MCU: variants seen among roughly 807,000 people sequenced by gnomAD.
MCU encodes the protein mitochondrial calcium uniporter.
A neutral mutation model predicts 45.2 loss-of-function variants in MCU; 12 were observed. The observed-to-expected ratio is 0.27, with a 90% CI of 0.17 to 0.43. The LOEUF (loss-of-function observed/expected upper bound fraction) is 0.43, where lower values mean the gene tolerates loss of function less well. Ranked by LOEUF, MCU falls within the 20% of genes least tolerant of loss-of-function variation. MCU has a pLI of 1.00. For missense variants in MCU, 324 were observed against 436.7 expected (o/e 0.74, Z 2.30); for synonymous variants, 160 against 165.1 (o/e 0.97, Z 0.24).
chr10:72,736,163 G>T (rs971908271), intron 1 of MCU, among the ~76,000 whole-genome samples: 1 of 152,144 alleles, frequency 6.6e-6, no homozygotes, highest in African/African-American at 2.4e-5. Flanking sequence ...ACAGATTTGT[G>T]TATTCATGGA....
chr10:72,737,448 A>AG (rs1843265962), intron 1 of MCU, among the ~76,000 whole-genome samples: 1 of 151,816 alleles, frequency 6.6e-6, no homozygotes, highest in African/African-American at 2.4e-5. Context: ...ATGTAAAGAG[A>AG]GGGGGTAAGG....
At chr10:72,766,772 A>G (rs1278001631) in intron 1 of MCU, 1 of 152,178 alleles carries the variant, frequency 6.6e-6, no homozygotes, top group Non-Finnish European at 1.5e-5. Flanking sequence ...ACGCTCTGTC[A>G]GTCTTCAAAT....
chr10:72,830,284 A>G (rs775930120), intron 1 of MCU, among the ~76,000 whole-genome samples: 5 of 152,230 alleles, frequency 3.3e-5, no homozygotes, highest in Admixed American at 6.5e-5. Context: ...TATATCATCT[A>G]ACAAATATTA....
chr10:72,772,470 G>A (rs987420009), intron 1 of MCU, among the ~76,000 whole-genome samples: 4 of 152,246 alleles, frequency 2.6e-5, no homozygotes, highest in Admixed American at 6.5e-5. Context: ...GTCAAGGTGG[G>A]CAGATTGCTT....
chr10:72,862,788 G>A (rs1845398655), intron 4 of MCU, among the ~76,000 whole-genome samples: 1 of 151,992 alleles, frequency 6.6e-6, no homozygotes, highest in Non-Finnish European at 1.5e-5. Context: ...GCCTGGTAAG[G>A]TGGCTCACAC....
At chr10:72,704,055 A>G (rs1296180458) in intron 1 of MCU, among the ~76,000 whole-genome samples, 1 of 152,240 alleles carries the variant, frequency 6.6e-6, no homozygotes, top group African/African-American at 2.4e-5. Flanking sequence ...TTGAAAAAAT[A>G]CTGCTTGTCT....
At chr10:72,742,973 G>T (rs1843356538) in intron 1 of MCU, among the ~76,000 whole-genome samples, 1 of 152,046 alleles carries the variant, frequency 6.6e-6, no homozygotes, top group Non-Finnish European at 1.5e-5. Flanking sequence ...GAATGGACAT[G>T]TGAGAACATG....
At chr10:72,874,849 G>C (rs1378043622) in intron 6 of MCU, among the ~76,000 whole-genome samples, 5 of 152,138 alleles carry the variant, frequency 3.3e-5, no homozygotes, top group Non-Finnish European at 5.9e-5. Context: ...ACAAAATAGT[G>C]GTATTTCCTT....
intron 1 of MCU, among the ~76,000 whole-genome samples, chr10:72,808,990 T>C (rs1240459540): frequency 6.6e-6 from 1 of 152,220 alleles, no homozygotes. Flanking sequence ...TTGGAAATTA[T>C]AAGATGTTTT....
intron 1 of MCU, among the ~76,000 whole-genome samples, chr10:72,745,020 C>A (rs1042049635): frequency 2.0e-4 from 30 of 151,762 alleles, no homozygotes; most frequent in African/African-American, 6.8e-4. Flanking sequence ...ATAATAAGGC[C>A]CACAGATAAG....
chr10:72,744,602 C>T (rs138234074), intron 1 of MCU, among the ~76,000 whole-genome samples: 34 of 152,294 alleles, frequency 2.2e-4, no homozygotes, highest in Admixed American at 7.8e-4. Flanking sequence ...TGCACTCCAG[C>T]CTGGGTGACA....
At chr10:72,754,923 G>A (rs1024283319) in intron 1 of MCU, among the ~76,000 whole-genome samples, 1 of 152,182 alleles carries the variant, frequency 6.6e-6, no homozygotes, top group African/African-American at 2.4e-5. Context: ...AGATTTCTTA[G>A]CACTTCTACA....
At chr10:72,777,162 A>C (rs1843907862) in intron 1 of MCU, among the ~76,000 whole-genome samples, 1 of 152,224 alleles carries the variant, frequency 6.6e-6, no homozygotes. Context: ...AATCCCTATC[A>C]AAATACCAAT....
At chr10:72,791,042 A>G (rs751098905) in intron 1 of MCU, among the ~76,000 whole-genome samples, 7 of 152,198 alleles carry the variant, frequency 4.6e-5, no homozygotes, top group Non-Finnish European at 2.9e-5. Flanking sequence ...TTCATATTCT[A>G]TATTCTTGAT....
At chr10:72,832,670 T>G (rs919971046) in intron 1 of MCU, among the ~76,000 whole-genome samples, 4 of 152,202 alleles carry the variant, frequency 2.6e-5, no homozygotes, top group Non-Finnish European at 5.9e-5. Context: ...ATAGCTAATA[T>G]TTATTGAGAA....
At chr10:72,836,979 A>C (rs1303320143) in intron 2 of MCU, among the ~76,000 whole-genome samples, 1 of 152,000 alleles carries the variant, frequency 6.6e-6, no homozygotes, top group African/African-American at 2.4e-5. Flanking sequence ...TGAGGGCTTG[A>C]CCCTCAGTTT....
intron 4 of MCU, among the ~76,000 whole-genome samples, chr10:72,863,424 A>G (rs1196657469): frequency 2.0e-5 from 3 of 152,232 alleles, no homozygotes; most frequent in African/African-American, 7.2e-5. Flanking sequence ...GCTAAATGAG[A>G]GGGAGCTAGC....
intron 1 of MCU, among the ~76,000 whole-genome samples, chr10:72,710,762 G>A (rs10762519): frequency 1.6e-4 from 24 of 151,876 alleles, no homozygotes; most frequent in African/African-American, 5.8e-4. Context: ...CCATTCCTTA[G>A]ACCTCTCTCC....
chr10:72,874,125 T>A (rs541406557), intron 6 of MCU, among the ~76,000 whole-genome samples: 90 of 152,332 alleles, frequency 5.9e-4, no homozygotes, highest in Non-Finnish European at 9.6e-4. Context: ...TTTTTTCCTA[T>A]TTCTGTGAAG....
Sources: allele counts gnomAD v4.1 joint callset (sites outside exome capture counted in the v4.1 genomes callset), GRCh38; gene constraint gnomAD v4.1.1; transcripts MANE v1.5; gene names NCBI Gene and HGNC (gene_info 2026-07-23, HGNC 2026-07-21).